The following GALNT17 variants were observed in gnomAD, a reference collection of about 807,000 sequenced individuals.
GALNT17 encodes the protein UDP-GalNAc:polypeptide N-acetylgalactosaminyltransferase-like 3.
Under a neutral mutation model 63.7 loss-of-function variants are expected in GALNT17, and 29 were observed. That is an observed-to-expected ratio of 0.46 (90% CI 0.34 to 0.62). The LOEUF is 0.62. Ranked by LOEUF, GALNT17 falls within the 20% of genes least tolerant of loss-of-function variation. GALNT17 has a pLI of 0.01. For synonymous variants in GALNT17, 305 were observed against 318.3 expected (o/e 0.96, Z 0.45); for missense variants, 603 against 799.6 (o/e 0.75, Z 2.97).
In GALNT17 at chr7:71,567,962, G is replaced by A. The variant is rs143001661; in HGVS notation, c.963-3323G>A. ...AATCAGAAACCTGGATGTGAAGGTC[G>A]AAGTCAAGTTAGAAGTCATAACCAG... On this transcript the variant is annotated intron_variant, in intron 5 of 10. Transcript: ENST00000333538. 3.1e-3 allele frequency among the ~76,000 whole-genome samples: 465 copies of A among 152,278 alleles called. 12 individuals are homozygous for A. Among genetic ancestry groups the A allele is most frequent in the Admixed American group, 0.028 (421 of 15,284 alleles).
intron 9 of GALNT17, among the ~76,000 whole-genome samples, chr7:71,682,184 C>T (rs574901510): frequency 7.9e-5 from 12 of 152,198 alleles, no homozygotes; most frequent in East Asian, 7.7e-4. Flanking sequence ...ACCTTGGCCT[C>T]GCAAAGTGCT....
intron 9 of GALNT17, among the ~76,000 whole-genome samples, chr7:71,693,299 C>CATATATATATATATAT (rs1327263888): frequency 1.7e-5 from 2 of 116,222 alleles, no homozygotes; most frequent in African/African-American, 6.9e-5. Context: ...CACACACACA[C>CATATATATATATATAT]ACACACACAC....
At position 71,162,222 on chromosome 7, in the gene GALNT17, T is replaced by C. The variant is rs77869391; in HGVS notation, c.238+29182T>C. 7.6e-3 allele frequency among the ~76,000 whole-genome samples: 1,151 copies of C among 151,472 alleles called. 5 individuals are homozygous for C. The highest frequency in any genetic ancestry group is 0.02 in the Middle Eastern group (6 of 294). On this transcript the variant is annotated intron_variant, in intron 1 of 10. Transcript: ENST00000333538. ...CTTCCATTTATTGGAATTCTTACTTTCGTTATTCTTTCAAAGATCAGTAAC... is the reference window on the plus strand; with the variant it reads ...CTTCCATTTATTGGAATTCTTACTTCCGTTATTCTTTCAAAGATCAGTAAC...
intron 1 of GALNT17, among the ~76,000 whole-genome samples, chr7:71,177,259 G>C (rs1382142612): frequency 6.6e-6 from 1 of 152,088 alleles, no homozygotes; most frequent in Non-Finnish European, 1.5e-5. Flanking sequence ...CCACCTTGGG[G>C]AATAGGACAG....
chr7:71,664,101 T>C (rs1198907089), intron 6 of GALNT17, among the ~76,000 whole-genome samples: 2 of 151,640 alleles, frequency 1.3e-5, no homozygotes, highest in Non-Finnish European at 2.9e-5. Flanking sequence ...TTGGAGCAGG[T>C]CCTTACGGCC....
intron 6 of GALNT17, among the ~76,000 whole-genome samples, chr7:71,573,257 G>T (rs562516332): frequency 6.6e-6 from 1 of 151,756 alleles, no homozygotes; most frequent in African/African-American, 2.4e-5. Context: ...TGATCTTCCC[G>T]CCTCGGCCTC....
intron 5 of GALNT17, among the ~76,000 whole-genome samples, chr7:71,439,660 A>G (rs1441146846): frequency 6.6e-6 from 1 of 152,220 alleles, no homozygotes; most frequent in African/African-American, 2.4e-5. Flanking sequence ...GAGCAGACAC[A>G]TTTTATTTTA....
intron 5 of GALNT17, among the ~76,000 whole-genome samples, chr7:71,458,430 T>C (rs1787392687): frequency 6.6e-6 from 1 of 152,150 alleles, no homozygotes; most frequent in Non-Finnish European, 1.5e-5. Context: ...CTAAGATGGG[T>C]GCCTGTGGCT....
chr7:71,383,746 T>TA (rs1430760995), intron 2 of GALNT17, among the ~76,000 whole-genome samples: 3 of 152,180 alleles, frequency 2.0e-5, no homozygotes, highest in Non-Finnish European at 4.4e-5. Context: ...GTGTTTTTTT[T>TA]ATCTTGATTT....
intron 5 of GALNT17, among the ~76,000 whole-genome samples, chr7:71,522,776 A>G (rs1013477081): frequency 5.3e-5 from 8 of 152,202 alleles, no homozygotes; most frequent in African/African-American, 1.7e-4. Flanking sequence ...TATCTGATGG[A>G]ATCCAGTTTC....
chr7:71,151,901 C>A (rs1398173631), intron 1 of GALNT17, among the ~76,000 whole-genome samples: 1 of 151,218 alleles, frequency 6.6e-6, no homozygotes, highest in Non-Finnish European at 1.5e-5. Context: ...TTAAAAAAAT[C>A]ATGATTTTTG....
intron 1 of GALNT17, among the ~76,000 whole-genome samples, chr7:71,260,701 C>T (rs1421634305): frequency 2.0e-5 from 3 of 151,774 alleles, no homozygotes; most frequent in African/African-American, 7.3e-5. Context: ...CTCAAGTGAC[C>T]CTCCTGCGTC....
chr7:71,675,461 A>G (rs1791136189), intron 8 of GALNT17, among the ~76,000 whole-genome samples: 1 of 152,160 alleles, frequency 6.6e-6, no homozygotes, highest in African/African-American at 2.4e-5. Flanking sequence ...TGTCCTTAAT[A>G]TGTAAAGAGC....
At chr7:71,222,068 C>T (rs528086143) in intron 1 of GALNT17, among the ~76,000 whole-genome samples, 22 of 151,502 alleles carry the variant, frequency 1.5e-4, no homozygotes, top group East Asian at 5.9e-4. Context: ...GCACCACGCC[C>T]GGCTAATTTT....
chr7:71,516,272 A>G (rs1366354648), intron 5 of GALNT17, among the ~76,000 whole-genome samples: 1 of 152,102 alleles, frequency 6.6e-6, no homozygotes, highest in African/African-American at 2.4e-5. Flanking sequence ...TGCATGATTC[A>G]CTTTCCAAGC....
At chr7:71,658,712 A>AC in intron 6 of GALNT17, among the ~76,000 whole-genome samples, 1 of 151,782 alleles carries the variant, frequency 6.6e-6, no homozygotes, top group East Asian at 1.9e-4. Flanking sequence ...ACATGGCAAA[A>AC]CCCCATCTCT....
At chr7:71,626,000 C>G (rs932986105) in intron 6 of GALNT17, among the ~76,000 whole-genome samples, 1 of 152,132 alleles carries the variant, frequency 6.6e-6, no homozygotes, top group African/African-American at 2.4e-5. Flanking sequence ...AATCCCAGCA[C>G]TTTAGGAGGC....
At chr7:71,381,779 A>G (rs1169190376) in intron 2 of GALNT17, among the ~76,000 whole-genome samples, 2 of 152,156 alleles carry the variant, frequency 1.3e-5, no homozygotes, top group African/African-American at 4.8e-5. Flanking sequence ...ACTCCGTCTC[A>G]GAAAAAAGAA....
At chr7:71,494,021 A>G (rs908003181) in intron 5 of GALNT17, among the ~76,000 whole-genome samples, 32 of 152,254 alleles carry the variant, frequency 2.1e-4, no homozygotes, top group African/African-American at 6.5e-4. Flanking sequence ...ACTACTCTAA[A>G]GAAATACCCG....
Sources: gnomAD v4.1 joint callset for allele counts (sites outside exome capture counted in the v4.1 genomes callset) on GRCh38, gnomAD v4.1.1 for gene constraint, MANE v1.5 for transcripts, NCBI Gene and HGNC (gene_info 2026-07-23, HGNC 2026-07-21) for gene names.